The following FBXO27 variants were observed in gnomAD, a reference collection of about 807,000 sequenced individuals.
FBXO27 encodes the protein F-box protein 27.
FBXO27 carries 28 observed loss-of-function variants against 28.3 expected under a neutral mutation model. The observed-to-expected ratio is 0.99, with a 90% CI of 0.73 to 1.36. The LOEUF is 1.36. Ranked by LOEUF, FBXO27 falls within the 40% of genes most tolerant of loss-of-function variation. The pLI is 0.00. For synonymous variants in FBXO27, 175 were observed against 167.3 expected (o/e 1.05, Z -0.36); for missense variants, 388 against 394.1 (o/e 0.98, Z 0.13).
Position 39,025,376 on chromosome 19 carries a change from C to T in FBXO27, c.*35G>A. 6.3e-7 allele frequency: 1 copy of T among 1,595,158 alleles called. No homozygotes were observed. ...CAATGGTCCCAGGCCCTGGAAGGCA[C>T]AGTCAGGCTGTCTTGCAAGAAGGGT... On this transcript the variant is annotated 3_prime_UTR_variant, in exon 6 of 6. Coordinates refer to ENST00000292853, the MANE Select transcript of FBXO27 (RefSeq NM_178820.5).
chr19:39,006,580 G>GA (rs971947811), intron 2 of FBXO27, among the ~76,000 whole-genome samples: 1 of 151,042 alleles, frequency 6.6e-6, no homozygotes, highest in Non-Finnish European at 1.5e-5. Flanking sequence ...AAAGAAAAAA[G>GA]AAAAAAAAGC....
At chr19:39,014,518 C>A (rs2072810544) in exon 2 of FBXO27, 1 of 150,794 alleles carries the variant, frequency 6.6e-6, no homozygotes, top group Admixed American at 6.6e-5. Flanking sequence ...AGTTCAAGAC[C>A]AGCCCAGGCA....
In FBXO27 at chr19:39,014,821, A is replaced by G. The variant is rs536724837; in HGVS notation, c.92-274T>C. On this transcript the variant is annotated intron_variant, in intron 1 of 2. Transcript: ENST00000598394. ...CCGGGAGAAGGGATTTGCAGAAGAC[A>G]TATCTGATAAAGGACTATTATTCAA... 9.9e-5 allele frequency among the ~76,000 whole-genome samples: 15 copies of G among 152,108 alleles called. 1 individual carries two copies. The highest frequency in any genetic ancestry group is 3.1e-4 in the African/African-American group (13 of 41,456).
chr19:39,008,413 C>T (rs1032330616), intron 2 of FBXO27, among the ~76,000 whole-genome samples: 16 of 152,088 alleles, frequency 1.1e-4, no homozygotes, highest in African/African-American at 2.4e-4. Context: ...CTAATGTAAC[C>T]GGCTCTGTTT....
At chr19:39,022,831 CTT>C (rs921180034), downstream of FBXO27, among the ~76,000 whole-genome samples, 9 of 151,650 alleles carry the variant, frequency 5.9e-5, no homozygotes, top group African/African-American at 2.2e-4. Context: ...GAGTTTTGCT[CTT>C]GTTGCCCTGG....
chr19:39,028,979 T>C (rs373012099), intron 4 of FBXO27, among the ~76,000 whole-genome samples: 27 of 149,444 alleles, frequency 1.8e-4, no homozygotes, highest in African/African-American at 6.4e-4. Flanking sequence ...GTGGTAGAGA[T>C]TGCAGTGAGC....
chr19:39,019,071 A>C (rs2072832695), downstream of FBXO27, among the ~76,000 whole-genome samples: 1 of 35,442 alleles, frequency 2.8e-5, no homozygotes, highest in South Asian at 5.7e-4. Flanking sequence ...TCTATCACAA[A>C]AAAAAAAAAA....
At chr19:39,031,471 A>G in intron 2 of FBXO27, 151 bp from the exon 3 acceptor site, 1 of 512,536 alleles carries the variant, frequency 2.0e-6, no homozygotes. Flanking sequence ...CCCTCCCACC[A>G]GCTCAGGGCA....
downstream of FBXO27, among the ~76,000 whole-genome samples, chr19:39,019,895 G>C (rs2072837484): frequency 6.6e-6 from 1 of 151,892 alleles, no homozygotes; most frequent in African/African-American, 2.4e-5. Flanking sequence ...GGGATTATAG[G>C]TACCCGCCAC....
intron 1 of FBXO27, among the ~76,000 whole-genome samples, chr19:39,016,980 G>A (rs11671523): frequency 2.0e-5 from 3 of 152,090 alleles, no homozygotes; most frequent in Non-Finnish European, 4.4e-5. Flanking sequence ...AGCTACTCAG[G>A]AGGCTGAAGC....
At chr19:39,031,371 T>A (rs1480059555) in intron 2 of FBXO27, 51 bp from the exon 3 acceptor site, 6 of 1,575,370 alleles carry the variant, frequency 3.8e-6, no homozygotes, top group African/African-American at 2.7e-5. Context: ...CGCCTGTTGG[T>A]TCCTAGTGAG....
At chr19:39,031,446 G>A in intron 2 of FBXO27, 126 bp from the exon 3 acceptor site, 1 of 794,384 alleles carries the variant, frequency 1.3e-6, no homozygotes, top group South Asian at 1.7e-5. Context: ...TTCCCACCGA[G>A]GCCCCGCCCC....
chr19:39,028,633 C>T lies in FBXO27; in HGVS notation c.573-1628G>A, dbSNP rs145695888. On this transcript the variant is annotated intron_variant, in intron 4 of 5. Coordinates refer to ENST00000292853, the MANE Select transcript of FBXO27 (RefSeq NM_178820.5). Reference sequence around the variant, plus strand: ...ATCCCAGGACTTTGGGAGGCAGAGGCGGGCAGATCACCTGAGGTCAGGAGT... The same window carrying T: ...ATCCCAGGACTTTGGGAGGCAGAGGTGGGCAGATCACCTGAGGTCAGGAGT... Among the ~76,000 whole-genome samples the T allele has an allele frequency of 1.3e-3, 192 of 151,822 alleles. 1 individual carries two copies. Among genetic ancestry groups the T allele is most frequent in the East Asian group, 4.5e-3 (23 of 5,138 alleles).
rs561600171 is a variant in FBXO27, at chr19:39,026,205, A to G, written c.709-651T>C. Among the ~76,000 whole-genome samples, 4 of 152,208 alleles carry G rather than the reference A, an allele frequency of 2.6e-5. No homozygotes were observed. The South Asian group carries it at 8.3e-4, about 32-fold the overall frequency. On this transcript the variant is annotated intron_variant, in intron 5 of 5. Transcript: ENST00000292853. ...TCCTCCCTGAGCAACCACATGAGCA[A>G]TCTGACTGCCTAGGAGCCGCCATGG...
At chr19:39,008,955 G>C (rs757329385) in intron 2 of FBXO27, among the ~76,000 whole-genome samples, 20 of 152,056 alleles carry the variant, frequency 1.3e-4, no homozygotes, top group Non-Finnish European at 2.8e-4. Context: ...TGAGTAGCTG[G>C]GATTACAGGC....
chr19:39,030,144 C>T (rs1230543649), intron 4 of FBXO27, among the ~76,000 whole-genome samples: 3 of 152,030 alleles, frequency 2.0e-5, no homozygotes, highest in Non-Finnish European at 4.4e-5. Context: ...GCCCAGACTG[C>T]CATCTCCCCT....
At chr19:39,006,684 T>C (rs906853525) in intron 2 of FBXO27, among the ~76,000 whole-genome samples, 13 of 152,260 alleles carry the variant, frequency 8.5e-5, no homozygotes, top group African/African-American at 2.9e-4. Flanking sequence ...AGACATTGAC[T>C]CAGGCACAGC....
chr19:39,032,227 TG>T lies in FBXO27; in HGVS notation c.-1del. 1 of 1,433,402 alleles carries T rather than the reference TG, an allele frequency of 7.0e-7. No individual in the cohort carries two copies. Among genetic ancestry groups the T allele is most frequent in the Non-Finnish European group, 9.1e-7 (1 of 1,101,840 alleles). 88.8% of individuals were successfully genotyped at this position (1,433,402 alleles called of 1,614,324 possible). On this transcript the variant is annotated 5_prime_UTR_variant, in exon 2 of 6. Coordinates refer to ENST00000292853, the MANE Select transcript of FBXO27 (RefSeq NM_178820.5). This position sits in a 1 kb window ranked among gnomAD's most constrained non-coding sequence, Gnocchi z 4.7. ...CGGCCCCTGGAGACCGAGGCGCCCATGGTCCCCCCGCCAGGCCCGGCTGTGG... is the reference window on the plus strand; with the variant it reads ...CGGCCCCTGGAGACCGAGGCGCCCATGTCCCCCCGCCAGGCCCGGCTGTGG...
chr19:39,026,762 G>A (rs1015984679), intron 5 of FBXO27, 108 bp downstream of exon 5: 17 of 1,518,980 alleles, frequency 1.1e-5, no homozygotes, highest in Admixed American at 1.8e-5. Flanking sequence ...GTGAGCCACC[G>A]CACCCAGCCA....
Sources: gnomAD v4.1 joint callset for allele counts (sites outside exome capture counted in the v4.1 genomes callset) on GRCh38, gnomAD v4.1.1 for gene constraint, Gnocchi (gnomAD v3.1) non-coding constraint, MANE v1.5 for transcripts, NCBI Gene and HGNC (gene_info 2026-07-23, HGNC 2026-07-21) for gene names.